CPD: variants seen among roughly 807,000 people sequenced by gnomAD.
CPD encodes metallocarboxypeptidase D.
A neutral mutation model predicts 138.3 loss-of-function variants in CPD; 69 were observed. The ratio of observed to expected loss-of-function variants is 0.50; its 90% confidence interval spans 0.41 to 0.61. The LOEUF is 0.61. Among genes scored for constraint, CPD ranks in the 20% least tolerant of loss-of-function variants. The pLI is 0.00. For synonymous variants in CPD, 651 were observed against 642.1 expected, an observed-to-expected ratio of 1.01 and a Z score of -0.21; for missense variants, 1,432 against 1,733.3, an observed-to-expected ratio of 0.83 and a Z score of 3.09.
At chr17:30,383,107 A>G (rs1911094120) in intron 1 of CPD, among the ~76,000 whole-genome samples, 1 of 152,206 alleles carries the variant, frequency 6.6e-6, no homozygotes, top group Non-Finnish European at 1.5e-5. Context: ...GGAGTTAGAA[A>G]GTTAGAATAT....
chr17:30,409,222 G>A (rs1460962675), intron 2 of CPD, among the ~76,000 whole-genome samples: 1 of 152,122 alleles, frequency 6.6e-6, no homozygotes. Flanking sequence ...TGATCGTGGT[G>A]GATAAGCTTT....
intron 2 of CPD, among the ~76,000 whole-genome samples, chr17:30,413,063 T>G (rs1225194739): frequency 6.6e-6 from 1 of 152,240 alleles, no homozygotes. Flanking sequence ...TCTGTTTTGC[T>G]TCCTCACCAA....
intron 2 of CPD, among the ~76,000 whole-genome samples, chr17:30,407,843 G>A (rs935204453): frequency 6.6e-6 from 1 of 152,036 alleles, no homozygotes; most frequent in Non-Finnish European, 1.5e-5. Flanking sequence ...TGTCTATTTT[G>A]GCTTTTGTTG....
At chr17:30,433,204 T>G (rs1489188926) in intron 8 of CPD, among the ~76,000 whole-genome samples, 1 of 152,182 alleles carries the variant, frequency 6.6e-6, no homozygotes, top group African/African-American at 2.4e-5. Flanking sequence ...CCTTAGAGAA[T>G]TATTGCTTTC....
chr17:30,448,766 T>C (rs1213177936), intron 12 of CPD, among the ~76,000 whole-genome samples: 1 of 152,156 alleles, frequency 6.6e-6, no homozygotes, highest in Non-Finnish European at 1.5e-5. Context: ...GTGTTGCATT[T>C]ATAGTAAAAT....
intron 15 of CPD, chr17:30,455,692 T>A (rs1913275191): frequency 4.3e-6 from 2 of 461,106 alleles, no homozygotes; most frequent in Non-Finnish European, 7.6e-6. Context: ...TCTTGTTCCA[T>A]CTGTTCCATT....
At chr17:30,402,573 C>A (rs1414610837) in intron 2 of CPD, among the ~76,000 whole-genome samples, 1 of 152,078 alleles carries the variant, frequency 6.6e-6, no homozygotes, top group Non-Finnish European at 1.5e-5. Context: ...CTCAAAAAAA[C>A]CAAACCAAAA....
rs1183653491 is a variant in CPD, at chr17:30,468,457, A to G, written c.*3643A>G. 2.0e-5 allele frequency: 3 copies of G among 152,572 alleles called. No homozygotes were observed. The highest frequency in any genetic ancestry group is 1.3e-4 in the Admixed American group (2 of 15,282). 9.5% of individuals were successfully genotyped at this position (152,572 alleles called of 1,614,324 possible). Reference sequence around the variant, plus strand: ...GTTCTAGAGCAATCTACAGCTGTTTATGTGAGGTGCCCAACACCCATTCAT... The same window carrying G: ...GTTCTAGAGCAATCTACAGCTGTTTGTGTGAGGTGCCCAACACCCATTCAT... On this transcript the variant is annotated 3_prime_UTR_variant, in exon 21 of 21. Transcript: ENST00000225719.
Position 30,466,189 on chromosome 17 carries a change from G to A in CPD, c.*1375G>A, listed in dbSNP as rs1370895820. On this transcript the variant is annotated 3_prime_UTR_variant, in exon 21 of 21. Coordinates refer to ENST00000225719, the MANE Select transcript of CPD (RefSeq NM_001304.5). Reference sequence around the variant, plus strand: ...TATGCATCTTACCAATGATGTAACGGTTTAATACCTTTGAATGTTTTAATA... The same window carrying A: ...TATGCATCTTACCAATGATGTAACGATTTAATACCTTTGAATGTTTTAATA... 2.0e-5 allele frequency: 3 copies of A among 152,590 alleles called. No individual in the cohort carries two copies. Among genetic ancestry groups the A allele is most frequent in the Non-Finnish European group, 4.4e-5 (3 of 68,026 alleles). 9.5% of individuals were successfully genotyped at this position (152,590 alleles called of 1,614,324 possible).
chr17:30,458,229 A>C (rs904902860), intron 17 of CPD, among the ~76,000 whole-genome samples: 5 of 152,250 alleles, frequency 3.3e-5, no homozygotes, highest in Middle Eastern at 6.8e-3. Context: ...CCCATTCTGG[A>C]TGCTGTGTAT....
chr17:30,396,897 T>G (rs1429203491), intron 2 of CPD, among the ~76,000 whole-genome samples: 1 of 152,044 alleles, frequency 6.6e-6, no homozygotes, highest in Non-Finnish European at 1.5e-5. Context: ...TCATACGTAT[T>G]CTTTCCTAAA....
rs546609395 is a variant in CPD, at chr17:30,383,572, C to G, written c.747-1417C>G. Among the ~76,000 whole-genome samples, 374 of 152,256 alleles carry G rather than the reference C, an allele frequency of 2.5e-3. 1 individual carries two copies. Among genetic ancestry groups the G allele is most frequent in the African/African-American group, 8.6e-3 (357 of 41,548 alleles). ...TATTAGTTTTTAGCTAGTTTCTTTT[C>G]ATGGTCTATGCTAGTGTTTAATCAG... On this transcript the variant is annotated intron_variant, in intron 1 of 20. Coordinates refer to ENST00000225719, the MANE Select transcript of CPD (RefSeq NM_001304.5).
intron 2 of CPD, among the ~76,000 whole-genome samples, chr17:30,394,116 CTTTTTTTTTTTTTTTTTT>C (rs35779169): frequency 2.0e-4 from 8 of 40,836 alleles, no homozygotes; most frequent in African/African-American, 8.6e-4. Flanking sequence ...GCACTCCAGC[CTTTTTTTTTTTTTTTTTT>C]TTTTTTTTTT....
At position 30,445,948 on chromosome 17, in the gene CPD, A is replaced by G. The variant is rs759787435; in HGVS notation, c.2801A>G (p.His934Arg). ...CTGGCTCTGGCTCTTTATCGATACC[A>G]TTCCTACAAAGACTTATCAGAGTTT... ...SNLALALYRYHSYKDLSEFLR... is the reference protein window; with the variant it reads ...SNLALALYRYRSYKDLSEFLR... Residue 934 changes from histidine to arginine, a missense_variant, in exon 12 of 21, where the codon CAT becomes CGT. By Grantham distance (29) the His-to-Arg change is conservative. Coordinates refer to ENST00000225719, the MANE Select transcript of CPD (RefSeq NM_001304.5). The G allele has an allele frequency of 6.2e-7, 1 of 1,613,958 alleles. No homozygotes were observed. The highest frequency in any genetic ancestry group is 1.7e-4 in the Middle Eastern group (1 of 6,058).
chr17:30,445,872 C>T lies in CPD; in HGVS notation c.2725C>T (p.Leu909Phe), dbSNP rs1411747042. The change falls in exon 12 of 21, where the codon CTT becomes TTT. Residue 909 changes from leucine (L) to phenylalanine (F), a missense_variant. By Grantham distance (22) the Leu-to-Phe change is conservative. Around this residue, in one of 6 missense-constraint regions of CPD, gnomAD observed 124 missense variants for 117.0 expected, o/e 1.06. Transcript: ENST00000225719. ...TKEFETLIKD[L>F]SAENGLESLM... ...AGAGTTTGAAACTTTAATTAAAGAC[C>T]TTTCAGCGGAGAATGGTTTGGAAAG... 2.5e-6 allele frequency: 4 copies of T among 1,613,986 alleles called. No homozygotes were observed. The highest frequency in any genetic ancestry group is 2.2e-5 in the East Asian group (1 of 44,900).
At chr17:30,442,280 G>C (rs200945915) in intron 9 of CPD, 28 bp from the exon 10 acceptor site, 21 of 1,606,614 alleles carry the variant, frequency 1.3e-5, no homozygotes, top group Middle Eastern at 1.7e-4. Flanking sequence ...CTTCTTCAGA[G>C]TGACTAATTT....
chr17:30,445,477 GA>G (rs761856834), intron 11 of CPD, among the ~76,000 whole-genome samples: 7 of 151,534 alleles, frequency 4.6e-5, no homozygotes, highest in African/African-American at 9.7e-5. Context: ...AAAAAATCAT[GA>G]AAAAAAATCC....
At chr17:30,429,335 A>G (rs1299240114) in intron 7 of CPD, among the ~76,000 whole-genome samples, 1 of 152,204 alleles carries the variant, frequency 6.6e-6, no homozygotes, top group Admixed American at 6.5e-5. Flanking sequence ...TCCAGTGAAA[A>G]TAAGTCACAG....
intron 2 of CPD, among the ~76,000 whole-genome samples, chr17:30,420,023 C>T (rs998992868): frequency 5.9e-5 from 9 of 152,106 alleles, no homozygotes; most frequent in Non-Finnish European, 1.0e-4. Flanking sequence ...AAGTTACACC[C>T]GCTCCTTTCT....
Sources: gnomAD v4.1 joint callset for allele counts (sites outside exome capture counted in the v4.1 genomes callset) on GRCh38, gnomAD v4.1.1 for gene constraint, gnomAD v4.1.1 regional missense constraint, MANE v1.5 for transcripts, NCBI Gene and HGNC (gene_info 2026-07-23, HGNC 2026-07-21) for gene names.